Variants in KCNN2 observed in about 807,000 individuals in gnomAD.
KCNN2 encodes potassium calcium-activated channel subfamily N member 2, also known as small conductance calcium-activated potassium channel protein 2.
Under a neutral mutation model 55.5 loss-of-function variants are expected in KCNN2, and 24 were observed. The observed-to-expected ratio is 0.43, with a 90% CI of 0.31 to 0.61. KCNN2 has a LOEUF of 0.61. KCNN2 is among the 20% of genes least tolerant of loss of function. The pLI is 0.08. For missense variants in KCNN2, 754 were observed against 853.6 expected (o/e 0.88, Z 1.45); for synonymous variants, 431 against 336.1 (o/e 1.28, Z -3.09).
chr5:114,282,461 A>G (rs1755643163), intron 2 of KCNN2, among the ~76,000 whole-genome samples: 1 of 152,078 alleles, frequency 6.6e-6, no homozygotes, highest in Non-Finnish European at 1.5e-5. Flanking sequence ...AGTTTTTGCT[A>G]TTACTTTAAA....
intron 1 of KCNN2, among the ~76,000 whole-genome samples, chr5:114,188,210 C>T (rs1175531752): frequency 6.6e-6 from 1 of 152,168 alleles, no homozygotes; most frequent in African/African-American, 2.4e-5. Flanking sequence ...ACCTTCCTGG[C>T]ACTTTAGGGT....
At chr5:114,315,421 CTGTGTG>C (rs34000645) in intron 2 of KCNN2, among the ~76,000 whole-genome samples, 6,400 of 142,832 alleles carry the variant, frequency 0.045, 288 homozygotes, top group African/African-American at 0.12. Flanking sequence ...AAGGCAGAAA[CTGTGTG>C]TGTGTGTGTG....
At chr5:114,476,007 T>C (rs1356161484) in intron 5 of KCNN2, among the ~76,000 whole-genome samples, 2 of 152,190 alleles carry the variant, frequency 1.3e-5, no homozygotes, top group East Asian at 3.8e-4. Context: ...ATACTTACCA[T>C]GCTTTAATAA....
chr5:114,121,666 C>T (rs1751832191), intron 1 of KCNN2, among the ~76,000 whole-genome samples: 1 of 152,216 alleles, frequency 6.6e-6, no homozygotes, highest in South Asian at 2.1e-4. Flanking sequence ...CCTATTTCCT[C>T]ATAAGCATTT....
intron 2 of KCNN2, among the ~76,000 whole-genome samples, chr5:114,229,937 C>T (rs115900201): frequency 1.7e-4 from 26 of 152,270 alleles, no homozygotes; most frequent in African/African-American, 5.8e-4. Flanking sequence ...ACAGCTGGAA[C>T]ACACGTAACA....
chr5:114,323,511 C>A (rs1756652743), intron 2 of KCNN2, among the ~76,000 whole-genome samples: 1 of 151,902 alleles, frequency 6.6e-6, no homozygotes, highest in Admixed American at 6.6e-5. Flanking sequence ...TTTATTTTTT[C>A]ATGTACAGTA....
At chr5:114,356,275 A>G (rs1757292136) in intron 2 of KCNN2, among the ~76,000 whole-genome samples, 2 of 152,148 alleles carry the variant, frequency 1.3e-5, no homozygotes. Context: ...CCTGCCTTCC[A>G]TATGGCTTGT....
intron 2 of KCNN2, among the ~76,000 whole-genome samples, chr5:114,313,129 A>C (rs1455356331): frequency 6.6e-6 from 1 of 152,074 alleles, no homozygotes; most frequent in Admixed American, 6.6e-5. Flanking sequence ...ATTTAGCTTC[A>C]TCATTCAGAC....
chr5:114,095,751 C>T (rs1561473459), intron 1 of KCNN2, among the ~76,000 whole-genome samples: 1 of 152,142 alleles, frequency 6.6e-6, no homozygotes. Flanking sequence ...TAGGATGGGA[C>T]TCCTCTCCCT....
intron 2 of KCNN2, among the ~76,000 whole-genome samples, chr5:114,345,514 A>T (rs962774113): frequency 3.3e-5 from 5 of 152,240 alleles, no homozygotes; most frequent in Non-Finnish European, 5.9e-5. Flanking sequence ...GTGAAATAAA[A>T]ATCGAAATCA....
intron 2 of KCNN2, among the ~76,000 whole-genome samples, chr5:114,343,624 C>T (rs566040908): frequency 6.6e-6 from 1 of 152,056 alleles, no homozygotes; most frequent in South Asian, 2.1e-4. Context: ...AGAAAGAATG[C>T]TCATCTCTCC....
intron 3 of KCNN2, among the ~76,000 whole-genome samples, chr5:114,451,109 C>T (rs569592459): frequency 1.3e-5 from 2 of 152,272 alleles, no homozygotes; most frequent in Admixed American, 6.5e-5. Flanking sequence ...ACAGATAAGT[C>T]ATTGCTGAAG....
chr5:114,147,279 C>G (rs1752418618), intron 1 of KCNN2, among the ~76,000 whole-genome samples: 2 of 128,154 alleles, frequency 1.6e-5, no homozygotes, highest in South Asian at 6.1e-4. Flanking sequence ...ATCAATAGTG[C>G]CAGTGAAGTC....
intron 2 of KCNN2, among the ~76,000 whole-genome samples, chr5:114,367,568 C>A (rs1024256809): frequency 1.3e-5 from 2 of 151,814 alleles, no homozygotes; most frequent in African/African-American, 4.8e-5. Context: ...TGGAAAGGTC[C>A]CTTGATATTA....
chr5:114,444,393 C>T (rs1175370881), intron 3 of KCNN2, among the ~76,000 whole-genome samples: 2 of 143,968 alleles, frequency 1.4e-5, no homozygotes, highest in Non-Finnish European at 3.1e-5. Context: ...GATTAAGATA[C>T]AAGAAAAAAA....
rs564983514 is a variant in KCNN2, at chr5:114,159,532, A to T, written c.-270-61948A>T. On this transcript the variant is annotated intron_variant, in intron 1 of 10. Coordinates refer to the KCNN2 transcript ENST00000512097. ...GCTGGCCTCATAAAATGAGTTAGGA[A>T]GGATTCCCTCTTTTTCTATTGATTG... 2.0e-4 allele frequency among the ~76,000 whole-genome samples: 31 copies of T among 152,308 alleles called. No homozygotes were observed. The South Asian group carries it at 5.2e-3, about 25-fold the overall frequency.
chr5:114,470,354 A>G (rs1318974389), intron 4 of KCNN2, among the ~76,000 whole-genome samples: 1 of 152,150 alleles, frequency 6.6e-6, no homozygotes, highest in Non-Finnish European at 1.5e-5. Context: ...TTATTAAAGA[A>G]TCATTGCTGC....
intron 1 of KCNN2, among the ~76,000 whole-genome samples, chr5:114,139,370 A>C (rs898256049): frequency 6.6e-6 from 1 of 151,968 alleles, no homozygotes; most frequent in Non-Finnish European, 1.5e-5. Flanking sequence ...TATATGATGC[A>C]CAGAAGTCTG....
intron 2 of KCNN2, among the ~76,000 whole-genome samples, chr5:114,312,559 C>T (rs1340420034): frequency 6.7e-6 from 1 of 149,780 alleles, no homozygotes; most frequent in Non-Finnish European, 1.5e-5. Context: ...GAACAGTTTA[C>T]TCTGCCCAAA....
Sources: gnomAD v4.1 joint callset for allele counts (sites outside exome capture counted in the v4.1 genomes callset) on GRCh38, gnomAD v4.1.1 for gene constraint, MANE v1.5 for transcripts, NCBI Gene and HGNC (gene_info 2026-07-23, HGNC 2026-07-21) for gene names.